The following MIB1 variants were observed in gnomAD, a reference collection of about 807,000 sequenced individuals.
The protein encoded by MIB1 is MIB E3 ubiquitin protein ligase 1, also known as E3 ubiquitin-protein ligase MIB1.
A neutral mutation model predicts 124.5 loss-of-function variants in MIB1; 278 were observed. The ratio of observed to expected loss-of-function variants is 2.23; its 90% CI spans 2.02 to 2.47. The LOEUF (loss-of-function observed/expected upper bound fraction) is 2.47, where lower values mean the gene tolerates loss of function less well. Ranked by LOEUF, MIB1 falls within the 30% of genes most tolerant of loss-of-function variation. The pLI, the probability that MIB1 is intolerant of heterozygous loss-of-function variation, is 0.00. For synonymous variants in MIB1, 446 were observed against 429.4 expected, an observed-to-expected ratio of 1.04 and a Z score of -0.48; for missense variants, 957 against 1,254.4, an observed-to-expected ratio of 0.76 and a Z score of 3.58.
chr18:21,785,524 C>T (rs746950484), intron 6 of MIB1, among the ~76,000 whole-genome samples: 1 of 152,194 alleles, frequency 6.6e-6, no homozygotes, highest in Non-Finnish European at 1.5e-5. Context: ...TTTAACTCCT[C>T]CACATTGTGA....
At chr18:21,821,623 G>A (rs1303498358) in intron 12 of MIB1, among the ~76,000 whole-genome samples, 4 of 147,398 alleles carry the variant, frequency 2.7e-5, no homozygotes, top group Non-Finnish European at 3.0e-5. Context: ...TTTTGAGGCA[G>A]AGTCTTGCTC....
intron 1 of MIB1, among the ~76,000 whole-genome samples, chr18:21,753,738 G>A (rs533908810): frequency 1.3e-4 from 20 of 151,628 alleles, no homozygotes; most frequent in South Asian, 8.4e-4. Flanking sequence ...GTGCAGTGGC[G>A]CGATCTCAGC....
At chr18:21,708,930 A>C (rs1285555457) in intron 1 of MIB1, among the ~76,000 whole-genome samples, 2 of 152,218 alleles carry the variant, frequency 1.3e-5, no homozygotes, top group African/African-American at 2.4e-5. Context: ...TACCATATGC[A>C]GAAAGGAAAT....
intron 3 of MIB1, among the ~76,000 whole-genome samples, chr18:21,772,361 G>T (rs781148806): frequency 1.3e-5 from 2 of 152,108 alleles, no homozygotes; most frequent in African/African-American, 2.4e-5. Flanking sequence ...GCTGTAGTCA[G>T]GTTTACTTGA....
At chr18:21,806,235 G>C (rs546132203) in intron 10 of MIB1, among the ~76,000 whole-genome samples, 2 of 148,188 alleles carry the variant, frequency 1.3e-5, no homozygotes, top group Non-Finnish European at 3.0e-5. Context: ...ACAGGGTCTT[G>C]CTCTGCCCTG....
intron 1 of MIB1, among the ~76,000 whole-genome samples, chr18:21,742,233 A>G (rs1040425881): frequency 1.3e-5 from 2 of 150,616 alleles, no homozygotes; most frequent in African/African-American, 4.9e-5. Context: ...CTGACCGTTT[A>G]TAATTGCCAA....
intron 6 of MIB1, among the ~76,000 whole-genome samples, chr18:21,790,290 G>A (rs570432150): frequency 1.1e-3 from 166 of 152,290 alleles, no homozygotes; most frequent in African/African-American, 3.9e-3. Context: ...GCACAAAGAT[G>A]TATACGCAGG....
chr18:21,828,963 GCTT>G (rs1176552579), intron 12 of MIB1: 2 of 462,840 alleles, frequency 4.3e-6, no homozygotes, highest in Admixed American at 2.5e-5. Context: ...AGAAGCAAGA[GCTT>G]CTTTTAGCTC....
intron 6 of MIB1, among the ~76,000 whole-genome samples, chr18:21,781,238 T>C (rs967235226): frequency 5.3e-5 from 8 of 150,570 alleles, no homozygotes; most frequent in African/African-American, 2.0e-4. Flanking sequence ...TTTGAGAGGA[T>C]TGATATTTGT....
chr18:21,768,766 C>G lies in MIB1; in HGVS notation c.531+14C>G. 6.2e-7 allele frequency: 1 copy of G among 1,602,200 alleles called. No homozygotes were observed. The highest frequency in any genetic ancestry group is 2.3e-5 in the East Asian group (1 of 44,306). On this transcript the variant is annotated intron_variant, in intron 3 of 20. Transcript: ENST00000261537. ...CGTAGGGGAAAGGTACAGTGTTTCT[C>G]TGAATTCATTATGTATTCTAGAGTA...
At chr18:21,717,019 A>C (rs565755788) in intron 1 of MIB1, among the ~76,000 whole-genome samples, 68 of 152,364 alleles carry the variant, frequency 4.5e-4, no homozygotes, top group African/African-American at 1.5e-3. Context: ...TTATAAGGCC[A>C]TAGTCACCAA....
intron 1 of MIB1, among the ~76,000 whole-genome samples, chr18:21,719,612 ATT>A (rs1274166599): frequency 2.3e-4 from 28 of 121,314 alleles, no homozygotes; most frequent in African/African-American, 5.5e-4. Context: ...ACGCTGGGCT[ATT>A]TTTTTTTTTT....
At chr18:21,782,722 T>C (rs879002754) in intron 6 of MIB1, among the ~76,000 whole-genome samples, 1 of 152,168 alleles carries the variant, frequency 6.6e-6, no homozygotes, top group Admixed American at 6.5e-5. Flanking sequence ...CTCGTGCTGA[T>C]GAGAACAGTG....
At chr18:21,739,651 A>G (rs1382988597), upstream of MIB1, among the ~76,000 whole-genome samples, 1 of 152,036 alleles carries the variant, frequency 6.6e-6, no homozygotes, top group Non-Finnish European at 1.5e-5. Flanking sequence ...CTGAGGTGGG[A>G]GGATTGCTTG....
At chr18:21,804,606 T>C (rs189108566) in intron 10 of MIB1, among the ~76,000 whole-genome samples, 227 of 152,358 alleles carry the variant, frequency 1.5e-3, no homozygotes, top group Non-Finnish European at 2.2e-3. Context: ...AAGGATGTCT[T>C]GCTTTGTCTT....
At chr18:21,735,733 C>T (rs1161073406) in intron 1 of MIB1, among the ~76,000 whole-genome samples, 1 of 152,244 alleles carries the variant, frequency 6.6e-6, no homozygotes, top group Non-Finnish European at 1.5e-5. Flanking sequence ...GGCAGTTTTA[C>T]TCTCACAGTG....
rs748067902 is a variant in MIB1 at position 21,838,509 on chromosome 18, G to A, written c.1962+12G>A. The A allele has an allele frequency of 4.5e-6, 7 of 1,565,766 alleles. No individual in the cohort carries two copies. Among genetic ancestry groups the A allele is most frequent in the South Asian group, 3.7e-5 (3 of 81,696 alleles). The stretch of plus-strand genomic sequence containing the variant: ...TGTTGGTACATCAGGTAAGAAAAGA[G>A]TTAAATAATTCCCTCTTTTTTATTT... On this transcript the variant is annotated intron_variant, in intron 13 of 20. Transcript: ENST00000261537.
At chr18:21,739,877 T>C (rs1174592436), upstream of MIB1, among the ~76,000 whole-genome samples, 1 of 150,742 alleles carries the variant, frequency 6.6e-6, no homozygotes, top group Non-Finnish European at 1.5e-5. Flanking sequence ...ATGGCGCCAC[T>C]GCACTCCGGC....
At chr18:21,763,744 A>G (rs1264933918) in intron 1 of MIB1, among the ~76,000 whole-genome samples, 1 of 152,050 alleles carries the variant, frequency 6.6e-6, no homozygotes. Flanking sequence ...CCTGACCCAT[A>G]GCTACCAAGC....
Sources: gnomAD v4.1 joint callset for allele counts (sites outside exome capture counted in the v4.1 genomes callset) on GRCh38, gnomAD v4.1.1 for gene constraint, MANE v1.5 for transcripts, NCBI Gene and HGNC (gene_info 2026-07-23, HGNC 2026-07-21) for gene names.